The following MYO9A variants were observed in gnomAD, a reference collection of about 807,000 sequenced individuals.
MYO9A encodes myosin IXA.
MYO9A carries 103 observed loss-of-function variants against 293.3 expected under a neutral mutation model. The ratio of observed to expected loss-of-function variants is 0.35; its 90% CI spans 0.30 to 0.41. The LOEUF (loss-of-function observed/expected upper bound fraction) is 0.41. MYO9A is among the 10% of genes least tolerant of loss of function. MYO9A has a pLI of 1.00. For synonymous variants in MYO9A, 1,001 were observed against 1,035.7 expected, an observed-to-expected ratio of 0.97 and a Z score of 0.64; for missense variants, 2,685 against 3,033.0, an observed-to-expected ratio of 0.89 and a Z score of 2.69.
intron 8 of MYO9A, among the ~76,000 whole-genome samples, chr15:72,007,193 C>T (rs1367541118): frequency 2.6e-5 from 4 of 151,964 alleles, no homozygotes; most frequent in East Asian, 1.9e-4. Context: ...CTATGCCAGA[C>T]GATAGGGCCT....
At chr15:72,024,415 G>C (rs1041851302) in intron 4 of MYO9A, among the ~76,000 whole-genome samples, 3 of 152,020 alleles carry the variant, frequency 2.0e-5, no homozygotes, top group Non-Finnish European at 4.4e-5. Context: ...TAAGTAGCTG[G>C]GACTACAGGC....
chr15:71,913,432 C>T (rs1294808177), intron 19 of MYO9A, among the ~76,000 whole-genome samples: 5 of 152,168 alleles, frequency 3.3e-5, no homozygotes, highest in African/African-American at 1.2e-4. Context: ...GAGACTCTGT[C>T]ATCACCTTCC....
chr15:71,978,305 AAAAAT>A lies in MYO9A; in HGVS notation c.1723-18_1723-14del. On this transcript the variant is annotated splice_polypyrimidine_tract_variant and intron_variant, in intron 11 of 41. Transcript: ENST00000356056. ...TTCTATATTCCTCCTAGAAAAACCA[AAAAAT>A]AAAATAACAATTTATTCATCTTGCA... 15 of 1,591,110 alleles carry A rather than the reference AAAAAT, an allele frequency of 9.4e-6. No individual in the cohort carries two copies. The highest frequency in any genetic ancestry group is 1.3e-5 in the Non-Finnish European group (15 of 1,170,414).
intron 13 of MYO9A, among the ~76,000 whole-genome samples, chr15:71,967,099 T>C (rs2075897195): frequency 6.6e-6 from 1 of 152,244 alleles, no homozygotes. Flanking sequence ...TTAAGTTTCT[T>C]AGAGAAGTGT....
chr15:72,021,031 A>G lies in MYO9A; in HGVS notation c.999-14T>C. On this transcript the variant is annotated splice_polypyrimidine_tract_variant and intron_variant, in intron 4 of 41. Transcript: ENST00000356056. The stretch of plus-strand genomic sequence containing the variant: ...ACATGATAGTTCCTGTGGGAAACAA[A>G]GAAGTACAAGTTTCATAATGTGTGA... 2 of 1,500,394 alleles carry G rather than the reference A, an allele frequency of 1.3e-6. No homozygotes were observed. Among genetic ancestry groups the G allele is most frequent in the Non-Finnish European group, 1.8e-6 (2 of 1,114,684 alleles). 92.9% of individuals were successfully genotyped at this position (1,500,394 alleles called of 1,614,324 possible).
chr15:71,975,786 T>A (rs577109032), intron 12 of MYO9A, among the ~76,000 whole-genome samples: 3 of 152,256 alleles, frequency 2.0e-5, no homozygotes, highest in African/African-American at 7.2e-5. Context: ...ATCATACTCT[T>A]TTTGTCCAAT....
At position 71,883,614 on chromosome 15, in the gene MYO9A, G is replaced by A. The variant is rs141313356; in HGVS notation, c.5378C>T (p.Pro1793Leu). 127 of 1,612,680 alleles carry A rather than the reference G, an allele frequency of 7.9e-5. 1 individual carries two copies. Among genetic ancestry groups the A allele is most frequent in the Middle Eastern group, 1.6e-4 (1 of 6,074 alleles). Reference protein sequence around the residue: ...SPLFAGTDVIPAHQFPDELAA... With the variant: ...SPLFAGTDVILAHQFPDELAA... Reference sequence around the variant, plus strand: ...TTTACCATCTGGAAACTGATGAGCTGGAATCACATCTGTGCCTGCAAAGAG... The same window carrying A: ...TTTACCATCTGGAAACTGATGAGCTAGAATCACATCTGTGCCTGCAAAGAG... The change falls in exon 28 of 42, where the codon CCA (proline) becomes CTA (leucine). Residue 1793 changes from proline to leucine, a missense_variant. Transcript: ENST00000356056.
chr15:71,860,959 T>G (rs1314038167), intron 33 of MYO9A, among the ~76,000 whole-genome samples: 3 of 54,702 alleles, frequency 5.5e-5, no homozygotes, highest in African/African-American at 9.3e-5. Flanking sequence ...AAAGTTAGAC[T>G]CCATCTCACC....
At position 71,996,063 on chromosome 15, in the gene MYO9A, A is replaced by C. The variant is rs2076690426; in HGVS notation, c.1471-1478T>G. Among the ~76,000 whole-genome samples the C allele has an allele frequency of 2.0e-5, 3 of 152,298 alleles. No individual in the cohort carries two copies. In the South Asian group the frequency reaches 6.2e-4, roughly 32 times the overall value. On this transcript the variant is annotated intron_variant, in intron 9 of 41. Transcript: ENST00000356056. ...AATGTGCAAATGGTTGAATCCTTGG[A>C]TGTGGAATCTGTGCATAAGGTGAAC...
At chr15:72,088,682 A>C (rs1467437534) in intron 1 of MYO9A, among the ~76,000 whole-genome samples, 1 of 152,230 alleles carries the variant, frequency 6.6e-6, no homozygotes, top group Non-Finnish European at 1.5e-5. Context: ...TCTACCAGTC[A>C]GTAAAAAATA....
At chr15:71,933,828 A>G (rs981716797) in intron 17 of MYO9A, 119 bp from the exon 18 acceptor site, 2 of 802,110 alleles carry the variant, frequency 2.5e-6, no homozygotes, top group Non-Finnish European at 4.1e-6. Context: ...ACCCATTACC[A>G]AGACTGTAGG....
intron 19 of MYO9A, among the ~76,000 whole-genome samples, chr15:71,910,464 C>A (rs2057814342): frequency 6.6e-6 from 1 of 152,006 alleles, no homozygotes; most frequent in Non-Finnish European, 1.5e-5. Flanking sequence ...TACCATTAAA[C>A]TATCCATTAA....
At chr15:71,907,470 G>T (rs2057699478) in intron 19 of MYO9A, among the ~76,000 whole-genome samples, 1 of 131,840 alleles carries the variant, frequency 7.6e-6, no homozygotes, top group African/African-American at 2.8e-5. Context: ...GTAATGGGAT[G>T]GCTGGGTCAA....
intron 2 of MYO9A, chr15:72,045,081 A>T (rs891184669): frequency 1.3e-5 from 2 of 152,214 alleles, no homozygotes; most frequent in African/African-American, 2.4e-5. Context: ...ATGTTTAAGA[A>T]TAGGAACAGT....
chr15:71,971,684 T>G (rs757206123), intron 12 of MYO9A, among the ~76,000 whole-genome samples: 1 of 151,816 alleles, frequency 6.6e-6, no homozygotes, highest in Admixed American at 6.6e-5. Flanking sequence ...AACATCATCA[T>G]GTACCATTGT....
intron 2 of MYO9A, among the ~76,000 whole-genome samples, chr15:72,035,439 G>C (rs2078014547): frequency 6.6e-6 from 1 of 152,166 alleles, no homozygotes; most frequent in African/African-American, 2.4e-5. Flanking sequence ...CTACTCACAA[G>C]CAAAATAAAC....
chr15:71,928,418 C>A (rs1299259481), intron 18 of MYO9A, among the ~76,000 whole-genome samples: 1 of 151,510 alleles, frequency 6.6e-6, no homozygotes, highest in Non-Finnish European at 1.5e-5. Flanking sequence ...ATTGCTTTGG[C>A]TATTTGGGGT....
intron 1 of MYO9A, among the ~76,000 whole-genome samples, chr15:72,067,571 A>G (rs28701834): frequency 0.051 from 7,831 of 152,220 alleles, 339 homozygotes; most frequent in East Asian, 0.18. Flanking sequence ...GTGAGCCACC[A>G]TGCCCAGCCT....
chr15:71,881,571 GTATC>G (rs1275707736), intron 28 of MYO9A, among the ~76,000 whole-genome samples: 4 of 151,912 alleles, frequency 2.6e-5, no homozygotes, highest in Admixed American at 2.0e-4. Flanking sequence ...GATATATTAA[GTATC>G]TATTTTATTT....
Sources: gnomAD v4.1 joint callset for allele counts (sites outside exome capture counted in the v4.1 genomes callset) on GRCh38, gnomAD v4.1.1 for gene constraint, MANE v1.5 for transcripts, NCBI Gene and HGNC (gene_info 2026-07-23, HGNC 2026-07-21) for gene names.